ZNF197: variants seen among roughly 807,000 people sequenced by gnomAD.
The protein encoded by ZNF197 is VHL-associated KRAB-A domain-containing protein.
ZNF197 carries 14 observed loss-of-function variants against 27.4 expected under a neutral mutation model. The observed-to-expected ratio is 0.51, with a 90% CI of 0.34 to 0.80. ZNF197 has a LOEUF of 0.80. ZNF197 is among the 30% of genes least tolerant of loss of function. The pLI, the probability that ZNF197 is intolerant of heterozygous loss-of-function variation, is 0.02. For missense variants in ZNF197, 1,090 were observed against 1,222.6 expected, an observed-to-expected ratio of 0.89 and a Z score of 1.62; for synonymous variants, 415 against 420.0, an observed-to-expected ratio of 0.99 and a Z score of 0.15.
chr3:44,627,231 A>T (rs1701720027), intron 1 of ZNF197, among the ~76,000 whole-genome samples: 1 of 152,216 alleles, frequency 6.6e-6, no homozygotes, highest in Non-Finnish European at 1.5e-5. Flanking sequence ...TACTATTTTT[A>T]AAAATAAGGA....
Position 44,643,716 on chromosome 3 carries a change from T to G in ZNF197, c.2586T>G (p.Ile862Met). Residue 862 changes from isoleucine to methionine, a missense_variant, in exon 6 of 6, where the codon ATT becomes ATG. Coordinates refer to ENST00000344387, the MANE Select transcript of ZNF197 (RefSeq NM_006991.5). ...GTTTTACGTACAACAGAAACCTGAT[T>G]GAACATCAAAGAATTCACAGTGGAG... ...GKGFTYNRNL[I>M]EHQRIHSGEK... is the part of the protein sequence containing the mutation. 6.2e-7 allele frequency: 1 copy of G among 1,614,110 alleles called. No individual in the cohort carries two copies. The highest frequency in any genetic ancestry group is 8.5e-7 in the Non-Finnish European group (1 of 1,180,006).
At position 44,642,021 on chromosome 3, in the gene ZNF197, TGAA is replaced by T. The variant is rs1311940605; in HGVS notation, c.897_899del (p.Glu300del). 1 of 1,614,084 alleles carries T rather than the reference TGAA, an allele frequency of 6.2e-7. No individual in the cohort carries two copies. The highest frequency in any genetic ancestry group is 8.5e-7 in the Non-Finnish European group (1 of 1,179,988). On this transcript the variant is annotated inframe_deletion, in exon 6 of 6. Coordinates refer to ENST00000344387, the MANE Select transcript of ZNF197 (RefSeq NM_006991.5). The stretch of plus-strand genomic sequence containing the variant: ...GAAGTGTTCCCCAGGTCCTTGATTT[TGAA>T]GAAGAGTGTGAATGGCAAGTTTTGG...
rs753470920 is a variant in ZNF197 at position 44,643,325 on chromosome 3, A to C, written c.2195A>C (p.Lys732Thr). Residue 732 changes from lysine to threonine, a missense_variant, in exon 6 of 6, where the codon AAA becomes ACA. Transcript: ENST00000344387. ...CATCAGAAACTCCATACACAAGAGA[A>C]AGCCTACAAATGTGAGGATTGTGGG... ...MVHQKLHTQE[K>T]AYKCEDCGKA... 1 of 1,613,740 alleles carries C rather than the reference A, an allele frequency of 6.2e-7. No individual in the cohort carries two copies. Among genetic ancestry groups the C allele is most frequent in the Non-Finnish European group, 8.5e-7 (1 of 1,179,910 alleles).
chr3:44,647,747 A>C lies in ZNF197; in HGVS notation c.*3527A>C, dbSNP rs1217241654. ...TTCATATAACATTCTCAAAATGATA[A>C]AACTATAGAGATGAAAAATGGATTA... is the stretch of plus-strand genomic sequence containing the variant. On this transcript the variant is annotated 3_prime_UTR_variant, in exon 6 of 6. Transcript: ENST00000344387. The C allele has an allele frequency of 6.6e-6, 1 of 152,210 alleles. No individual in the cohort carries two copies. The highest frequency in any genetic ancestry group is 1.5e-5 in the Non-Finnish European group (1 of 68,024). The allele number at this position is 152,210 out of a possible 1,614,324, so 9.4% of individuals were successfully genotyped here.
rs375013805 is a variant in ZNF197 at position 44,643,568 on chromosome 3, C to G, written c.2438C>G (p.Thr813Arg). The G allele has an allele frequency of 4.3e-6, 7 of 1,613,984 alleles. No individual in the cohort carries two copies. The Admixed American group carries it at 6.7e-5, about 15-fold the overall frequency. Residue 813 changes from threonine (T) to arginine (R), a missense_variant, in exon 6 of 6, where the codon ACG (threonine) becomes AGG (arginine). Coordinates refer to ENST00000344387, the MANE Select transcript of ZNF197 (RefSeq NM_006991.5). ...CTCATTGGACATCAGAGAATTCACA[C>G]GAGGGAAAAATCTTATAAATGCAAT... ...KSLIGHQRIH[T>R]REKSYKCNDC...
rs538234747 is a variant in ZNF197 at position 44,628,424 on chromosome 3, CAGAA to C, written c.-81-645_-81-642del. 1.1e-3 allele frequency among the ~76,000 whole-genome samples: 163 copies of C among 152,214 alleles called. 1 individual carries two copies. The highest frequency in any genetic ancestry group is 3.5e-3 in the African/African-American group (144 of 41,534). ...AAATTTATCCAAATATTTTGATTAA[CAGAA>C]AGAACAATTTTCAGAGAATTAAAGG... On this transcript the variant is annotated intron_variant, in intron 1 of 5. Coordinates refer to ENST00000344387, the MANE Select transcript of ZNF197 (RefSeq NM_006991.5).
intron 2 of ZNF197, chr3:44,630,769 A>C: frequency 1.9e-6 from 1 of 536,852 alleles, no homozygotes; most frequent in South Asian, 1.6e-5. Flanking sequence ...CCATGCTCTT[A>C]ATTACTGCTT....
At chr3:44,631,575 A>AT (rs939592760) in intron 3 of ZNF197, among the ~76,000 whole-genome samples, 152 of 141,598 alleles carry the variant, frequency 1.1e-3, no homozygotes, top group Non-Finnish European at 1.7e-3. Context: ...TAGTTTTTTA[A>AT]TTTTTTTTTT....
In ZNF197 at chr3:44,644,412, G is replaced by A; in HGVS notation, c.*192G>A. 2 of 1,295,778 alleles carry A rather than the reference G, an allele frequency of 1.5e-6. No homozygotes were observed. The highest frequency in any genetic ancestry group is 2.0e-6 in the Non-Finnish European group (2 of 1,013,022). 80.3% of individuals were successfully genotyped at this position (1,295,778 alleles called of 1,614,324 possible). On this transcript the variant is annotated 3_prime_UTR_variant, in exon 6 of 6. Coordinates refer to ENST00000344387, the MANE Select transcript of ZNF197 (RefSeq NM_006991.5). ...CCAGCACTTTGAGAGGCCGAAGCGA[G>A]TGGATCACCTGAGGTCAGGATTTTG... is the stretch of plus-strand genomic sequence containing the variant.
rs534211457 is a variant in ZNF197, at chr3:44,648,397, G to A, written c.*4177G>A. On this transcript the variant is annotated 3_prime_UTR_variant, in exon 6 of 6. Transcript: ENST00000344387. The stretch of plus-strand genomic sequence containing the variant: ...ATTGTTGAGTCCACATGGAAAATAC[G>A]GGTATTCAATGTGCCATACTTTCAA... 1.3e-5 allele frequency: 2 copies of A among 152,280 alleles called. No homozygotes were observed. The highest frequency in any genetic ancestry group is 6.5e-5 in the Admixed American group (1 of 15,300). 9.4% of individuals were successfully genotyped at this position (152,280 alleles called of 1,614,324 possible). A position where few individuals can be genotyped will look rare whatever the true frequency, so the allele number is the denominator to read the frequency against.
chr3:44,628,541 A>G (rs1327475616), intron 1 of ZNF197, among the ~76,000 whole-genome samples: 1 of 152,242 alleles, frequency 6.6e-6, no homozygotes, highest in Non-Finnish European at 1.5e-5. Context: ...ATGTATCATG[A>G]TTAATGATTA....
At position 44,643,747 on chromosome 3, in the gene ZNF197, A is replaced by G; in HGVS notation, c.2617A>G (p.Thr873Ala). The G allele has an allele frequency of 1.2e-6, 2 of 1,613,978 alleles. No homozygotes were observed. The highest frequency in any genetic ancestry group is 1.7e-6 in the Non-Finnish European group (2 of 1,180,000). Residue 873 changes from threonine (T) to alanine (A), a missense_variant, in exon 6 of 6, where the codon ACC becomes GCC. Thr to Ala is a moderately conservative substitution (Grantham distance 58). Transcript: ENST00000344387. ...EHQRIHSGEK[T>A]YECHVCRKVL... ...TCAAAGAATTCACAGTGGAGAAAAA[A>G]CCTACGAATGTCATGTATGTAGGAA...
In ZNF197 at chr3:44,645,477, T is replaced by C. The variant is rs534817444; in HGVS notation, c.*1257T>C. On this transcript the variant is annotated 3_prime_UTR_variant, in exon 6 of 6. Transcript: ENST00000344387. ...GTTACTAGATTATATATCTAGTTTA[T>C]GTATATGGAAAAAAATGTTATGGCC... is the stretch of plus-strand genomic sequence containing the variant. 1.0e-4 allele frequency: 101 copies of C among 985,382 alleles called. 2 individuals carry two copies. The South Asian group carries it at 3.9e-3, about 38-fold the overall frequency. 61.0% of individuals were successfully genotyped at this position (985,382 alleles called of 1,614,324 possible).
Position 44,631,972 on chromosome 3 carries a change from A to G in ZNF197, c.551-133A>G. On this transcript the variant is annotated intron_variant, in intron 3 of 5. Transcript: ENST00000344387. The stretch of plus-strand genomic sequence containing the variant: ...CACCTCGGCTTCCCAAAGCTCTGGG[A>G]TTACAGGTGTGAGCCACCACGCCCT... 2.5e-6 allele frequency: 2 copies of G among 805,534 alleles called. 1 individual carries two copies. The highest frequency in any genetic ancestry group is 3.0e-5 in the South Asian group (2 of 66,272). The allele number at this position is 805,534 out of a possible 1,614,324, so 49.9% of individuals were successfully genotyped here.
At chr3:44,629,674 G>T in intron 2 of ZNF197, 130 bp downstream of exon 2, 1 of 1,207,364 alleles carries the variant, frequency 8.3e-7, no homozygotes, top group South Asian at 2.0e-5. Flanking sequence ...CAACCTTAAT[G>T]ATAATTAAAG....
At chr3:44,634,841 CA>C (rs1325652278) in intron 5 of ZNF197, among the ~76,000 whole-genome samples, 1 of 152,070 alleles carries the variant, frequency 6.6e-6, no homozygotes, top group Non-Finnish European at 1.5e-5. Context: ...ATGACATAGA[CA>C]TCTTGTGGAG....
At chr3:44,634,669 T>C (rs9682646) in intron 5 of ZNF197, among the ~76,000 whole-genome samples, 44,752 of 151,930 alleles carry the variant, frequency 0.29, 7,159 homozygotes, top group African/African-American at 0.34. Flanking sequence ...AGGCTGGTCT[T>C]AAACTCCTGA....
Position 44,632,388 on chromosome 3 carries a change from T to C in ZNF197, c.643-85T>C, listed in dbSNP as rs567963883. 14 of 1,537,336 alleles carry C rather than the reference T, an allele frequency of 9.1e-6. 1 individual carries two copies. The African/African-American group carries it at 1.8e-4, about 20-fold the overall frequency. On this transcript the variant is annotated intron_variant, in intron 4 of 5. Coordinates refer to ENST00000344387, the MANE Select transcript of ZNF197 (RefSeq NM_006991.5). The stretch of plus-strand genomic sequence containing the variant: ...CTGTTATGCACTCATGGCCTCACAG[T>C]GTATCCCTTCCCCAGAAGTGAAGGG...
intron 2 of ZNF197, 123 bp downstream of exon 2, chr3:44,629,667 C>A: frequency 8.0e-7 from 1 of 1,247,714 alleles, no homozygotes; most frequent in Non-Finnish European, 1.1e-6. Context: ...ACACTAGCAA[C>A]CTTAATGATA....
Sources: gnomAD v4.1 joint callset for allele counts (sites outside exome capture counted in the v4.1 genomes callset) on GRCh38, gnomAD v4.1.1 for gene constraint, MANE v1.5 for transcripts, NCBI Gene and HGNC (gene_info 2026-07-23, HGNC 2026-07-21) for gene names.